Variants in ASXL2 observed in about 807,000 individuals in gnomAD.
ASXL2 encodes the protein putative Polycomb group protein ASXL2.
In ASXL2, 23 loss-of-function variants were observed where a neutral mutation model predicts 122.0. The ratio of observed to expected loss-of-function variants is 0.19; its 90% CI spans 0.14 to 0.27. The LOEUF is 0.27. ASXL2 is among the 10% of genes least tolerant of loss of function. The pLI is 1.00. For missense variants in ASXL2, 1,518 were observed against 1,713.8 expected (o/e 0.89, Z 2.02); for synonymous variants, 650 against 637.0 (o/e 1.02, Z -0.31).
At chr2:25,862,554 A>G (rs1559531512) in intron 1 of ASXL2, among the ~76,000 whole-genome samples, 1 of 152,200 alleles carries the variant, frequency 6.6e-6, no homozygotes, top group Non-Finnish European at 1.5e-5. Flanking sequence ...TATTGTGTGC[A>G]TACTACACAA....
intron 8 of ASXL2, among the ~76,000 whole-genome samples, chr2:25,765,935 T>C (rs1423815143): frequency 2.0e-5 from 3 of 152,232 alleles, no homozygotes; most frequent in Non-Finnish European, 2.9e-5. Flanking sequence ...AAATATGTGA[T>C]ATACTACATT....
intron 1 of ASXL2, among the ~76,000 whole-genome samples, chr2:25,870,068 A>C (rs1036946343): frequency 6.6e-6 from 1 of 152,100 alleles, no homozygotes; most frequent in African/African-American, 2.4e-5. Flanking sequence ...TTTATGATGA[A>C]AGAAGCATTC....
intron 9 of ASXL2, among the ~76,000 whole-genome samples, chr2:25,757,474 T>TAA (rs533398416): frequency 1.7e-4 from 17 of 98,078 alleles, no homozygotes; most frequent in East Asian, 1.1e-3. Context: ...CCGTCTCTAC[T>TAA]AAAAAAAAAA....
At chr2:25,763,646 C>T (rs1393277735) in intron 8 of ASXL2, among the ~76,000 whole-genome samples, 2 of 152,166 alleles carry the variant, frequency 1.3e-5, no homozygotes, top group Non-Finnish European at 2.9e-5. Context: ...GTAAGAGCAA[C>T]AGCAGCAGCA....
chr2:25,839,923 G>C (rs527590441), intron 2 of ASXL2, among the ~76,000 whole-genome samples: 5 of 149,332 alleles, frequency 3.3e-5, no homozygotes, highest in Admixed American at 3.3e-4. Flanking sequence ...TAAAGACAAG[G>C]TCTCGCTATC....
rs1236056808 is a variant in ASXL2 at position 25,742,553 on chromosome 2, C to A, written c.3784G>T (p.Ala1262Ser). 6.2e-7 allele frequency: 1 copy of A among 1,613,888 alleles called. No homozygotes were observed. The highest frequency in any genetic ancestry group is 1.3e-5 in the African/African-American group (1 of 74,934). The stretch of plus-strand genomic sequence containing the variant: ...TGTGCTGCCTGAATTAAATCTCTGG[C>A]TAGGGTCTTTTCATCAAATGTTTGG... ...RGQTFDEKTL[A>S]RDLIQAAQKQ... Residue 1262 changes from alanine to serine, a missense_variant, in exon 13 of 13, where the codon GCC becomes TCC. Transcript: ENST00000435504.
intron 1 of ASXL2, among the ~76,000 whole-genome samples, chr2:25,866,859 AGTAGCTG>A (rs2089909759): frequency 6.6e-6 from 1 of 152,072 alleles, no homozygotes; most frequent in South Asian, 2.1e-4. Context: ...CAGCGTCCTG[AGTAGCTG>A]GGATTACAGG....
intron 8 of ASXL2, among the ~76,000 whole-genome samples, chr2:25,762,394 C>T (rs947420653): frequency 6.6e-6 from 1 of 150,876 alleles, no homozygotes; most frequent in Admixed American, 6.6e-5. Context: ...GGCTGGGAGT[C>T]GTGGCCCATG....
chr2:25,852,734 A>C (rs1429461024), intron 1 of ASXL2, among the ~76,000 whole-genome samples: 1 of 152,230 alleles, frequency 6.6e-6, no homozygotes, highest in Non-Finnish European at 1.5e-5. Context: ...AAAACCAGAA[A>C]ACACTGCTGT....
intron 12 of ASXL2, 137 bp downstream of exon 12, chr2:25,749,559 A>G (rs2088003652): frequency 1.5e-5 from 10 of 664,382 alleles, no homozygotes; most frequent in Middle Eastern, 4.1e-4. Context: ...GTGTAAGACC[A>G]TAGTTACATA....
In ASXL2 at chr2:25,734,179, A is replaced by G. The variant is rs558663623; in HGVS notation, c.*7850T>C. On this transcript the variant is annotated 3_prime_UTR_variant, in exon 13 of 13. Transcript: ENST00000435504. ...TTCATGGATTCTAGAAATTTTGTGA[A>G]TTCTCTGAGAACTTGCTCTTTAATC... 11 of 152,064 alleles carry G rather than the reference A, an allele frequency of 7.2e-5. No homozygotes were observed. The highest frequency in any genetic ancestry group is 2.7e-4 in the African/African-American group (11 of 41,452). 9.4% of individuals were successfully genotyped at this position (152,064 alleles called of 1,614,324 possible).
At chr2:25,841,926 G>A (rs2089585590) in intron 2 of ASXL2, among the ~76,000 whole-genome samples, 2 of 145,516 alleles carry the variant, frequency 1.4e-5, no homozygotes, top group African/African-American at 5.1e-5. Context: ...CAGCCTGGAG[G>A]ACAGAGCGAG....
rs1171600877 is a variant in ASXL2 at position 25,786,316 on chromosome 2, C to T, written c.403+13069G>A. Among the ~76,000 whole-genome samples, 4 of 141,004 alleles carry T rather than the reference C, an allele frequency of 2.8e-5. No individual in the cohort carries two copies. The East Asian group carries it at 9.5e-4, about 33-fold the overall frequency. 92.5% of individuals were successfully genotyped at this position (141,004 alleles called of 152,430 possible). A position where few individuals can be genotyped will look rare whatever the true frequency, so the allele number is the denominator to read the frequency against. On this transcript the variant is annotated intron_variant, in intron 5 of 12. Transcript: ENST00000435504. ...AGTGCAGTAGTGCAATTTTGGCTCA[C>T]TGGAACCTCCGCCTCCCAGGTTCAA...
intron 8 of ASXL2, among the ~76,000 whole-genome samples, chr2:25,761,142 T>C (rs923345769): frequency 6.6e-6 from 1 of 152,104 alleles, no homozygotes; most frequent in African/African-American, 2.4e-5. Flanking sequence ...AACAAATACC[T>C]GACTGAAGCT....
At chr2:25,828,687 T>C (rs551579671) in intron 3 of ASXL2, among the ~76,000 whole-genome samples, 4 of 150,068 alleles carry the variant, frequency 2.7e-5, no homozygotes, top group South Asian at 2.1e-4. Context: ...TAGCCGGGAG[T>C]GGTGGCAGGC....
chr2:25,806,357 T>C lies in ASXL2; in HGVS notation c.144-20A>G. ...GTCCCACTGCAAAACAAAGAAGAGA[T>C]GTGATAAGGAACACAACAATTAATT... is the stretch of plus-strand genomic sequence containing the variant. On this transcript the variant is annotated intron_variant, in intron 3 of 12. Coordinates refer to ENST00000435504, the MANE Select transcript of ASXL2 (RefSeq NM_018263.6). 6.5e-7 allele frequency: 1 copy of C among 1,534,788 alleles called. No homozygotes were observed. The highest frequency in any genetic ancestry group is 9.0e-7 in the Non-Finnish European group (1 of 1,113,838).
intron 5 of ASXL2, among the ~76,000 whole-genome samples, chr2:25,794,477 T>C (rs1326968011): frequency 6.6e-6 from 1 of 152,214 alleles, no homozygotes; most frequent in Admixed American, 6.5e-5. Flanking sequence ...CTTACCTTTA[T>C]TTGGAATTCC....
Position 25,737,653 on chromosome 2 carries a change from A to T in ASXL2, c.*4376T>A, listed in dbSNP as rs192489875. ...CACGCCACTCTCAGATGTATGTTAA[A>T]CCTCAAGATTCACCAAAAAACTCCA... On this transcript the variant is annotated 3_prime_UTR_variant, in exon 13 of 13. Coordinates refer to ENST00000435504, the MANE Select transcript of ASXL2 (RefSeq NM_018263.6). 9.2e-5 allele frequency: 14 copies of T among 152,226 alleles called. No individual in the cohort carries two copies. Among genetic ancestry groups the T allele is most frequent in the Non-Finnish European group, 1.8e-4 (12 of 68,016 alleles). The allele number at this position is 152,226 out of a possible 1,614,324, so 9.4% of individuals were successfully genotyped here. A position where few individuals can be genotyped will look rare whatever the true frequency, so the allele number is the denominator to read the frequency against.
At position 25,737,497 on chromosome 2, in the gene ASXL2, TCA is replaced by T. The variant is rs1322078041; in HGVS notation, c.*4530_*4531del. The T allele has an allele frequency of 6.6e-6, 1 of 152,202 alleles. No homozygotes were observed. The highest frequency in any genetic ancestry group is 2.4e-5 in the African/African-American group (1 of 41,450). 9.4% of individuals were successfully genotyped at this position (152,202 alleles called of 1,614,324 possible). A position where few individuals can be genotyped will look rare whatever the true frequency, so the allele number is the denominator to read the frequency against. On this transcript the variant is annotated 3_prime_UTR_variant, in exon 13 of 13. Coordinates refer to ENST00000435504, the MANE Select transcript of ASXL2 (RefSeq NM_018263.6). ...AGACAGACAGATAAGGAAAATTTAA[TCA>T]GTTTTACTTAAATTCCAAAAGAAAT... is the stretch of plus-strand genomic sequence containing the variant.
Sources: allele counts gnomAD v4.1 joint callset (sites outside exome capture counted in the v4.1 genomes callset), GRCh38; gene constraint gnomAD v4.1.1; transcripts MANE v1.5; gene names NCBI Gene and HGNC (gene_info 2026-07-23, HGNC 2026-07-21).